ARID5B: variants seen among roughly 807,000 people sequenced by gnomAD.
ARID5B encodes AT-rich interaction domain 5B.
A neutral mutation model predicts 97.2 loss-of-function variants in ARID5B; 13 were observed. That is an observed-to-expected ratio of 0.13 (90% CI 0.09 to 0.21). The LOEUF (loss-of-function observed/expected upper bound fraction) is 0.21. Ranked by LOEUF, ARID5B falls within the 10% of genes least tolerant of loss-of-function variation. The probability of loss-of-function intolerance (pLI) is 1.00; values close to 1 mark genes in which losing one functional copy is unlikely to be tolerated. For missense variants in ARID5B, 1,210 were observed against 1,465.3 expected (o/e 0.83, Z 2.84); for synonymous variants, 556 against 570.3 (o/e 0.97, Z 0.36).
intron 2 of ARID5B, among the ~76,000 whole-genome samples, chr10:61,929,186 C>T (rs528008264): frequency 3.9e-5 from 6 of 152,304 alleles, no homozygotes; most frequent in Non-Finnish European, 5.9e-5. Context: ...ACTAGTATTT[C>T]GGTGTCACAA....
chr10:61,930,551 T>G (rs1422656959), intron 2 of ARID5B, among the ~76,000 whole-genome samples: 2 of 151,724 alleles, frequency 1.3e-5, no homozygotes, highest in African/African-American at 4.8e-5. Flanking sequence ...AAACTCCGTC[T>G]CTACTAAAAA....
chr10:62,091,865 T>C lies in ARID5B; in HGVS notation c.2402T>C (p.Val801Ala), dbSNP rs144809623. 1,010 of 1,614,072 alleles carry C rather than the reference T, an allele frequency of 6.3e-4. 7 individuals are homozygous for C. In the African/African-American group the frequency reaches 0.011, roughly 18 times the overall value. ...CTTAACCCCCTTGCTGACTCCTACG[T>C]CCTGAAGCAAGAAATTCAGGAGGGC... ...HHLNPLADSY[V>A]LKQEIQEGKD... The change falls in exon 10 of 10, where the codon GTC becomes GCC. Residue 801 changes from valine (V) to alanine (A), a missense_variant. Transcript: ENST00000279873.
At chr10:62,063,992 C>G (rs143672838) in intron 7 of ARID5B, among the ~76,000 whole-genome samples, 1 of 152,254 alleles carries the variant, frequency 6.6e-6, no homozygotes, top group East Asian at 1.9e-4. Flanking sequence ...GGAAATGGGT[C>G]TTGAGTACAT....
In ARID5B at chr10:61,934,811, G is replaced by A. The variant is rs186066806; in HGVS notation, c.277-5372G>A. Among the ~76,000 whole-genome samples the A allele has an allele frequency of 2.3e-4, 35 of 152,096 alleles. No homozygotes were observed. In the South Asian group the frequency reaches 3.1e-3, roughly 14 times the overall value. ...GGGTGGATCATGAGGTCAGGAGTTC[G>A]AGGCCAGCCTGACCAACATGGTGAA... is the stretch of plus-strand genomic sequence containing the variant. On this transcript the variant is annotated intron_variant, in intron 2 of 9. Transcript: ENST00000279873.
rs1554845224 is a variant in ARID5B, at chr10:62,021,068, A to ATC, written c.733+20750_733+20751dup. Reference sequence around the variant, plus strand: ...TATATATATATATATATATATATATATCTCAGAAGATAGAAGACAAAAGTT... The same window carrying ATC: ...TATATATATATATATATATATATATATCTCTCAGAAGATAGAAGACAAAAGTT... On this transcript the variant is annotated intron_variant, in intron 4 of 9. Coordinates refer to ENST00000279873, the MANE Select transcript of ARID5B (RefSeq NM_032199.3). Among the ~76,000 whole-genome samples, 163 of 134,784 alleles carry ATC rather than the reference A, an allele frequency of 1.2e-3. 1 individual carries two copies. Among genetic ancestry groups the ATC allele is most frequent in the Non-Finnish European group, 2.0e-3 (128 of 62,780 alleles). 88.4% of individuals were successfully genotyped at this position (134,784 alleles called of 152,430 possible).
chr10:61,940,049 C>A lies in ARID5B; in HGVS notation c.277-134C>A, dbSNP rs78057018. 409 of 694,800 alleles carry A rather than the reference C, an allele frequency of 5.9e-4. 4 individuals carry two copies. The East Asian group carries it at 0.011, about 18-fold the overall frequency. 43.0% of individuals were successfully genotyped at this position (694,800 alleles called of 1,614,324 possible). A position where few individuals can be genotyped will look rare whatever the true frequency, so the allele number is the denominator to read the frequency against. ...GTGAGTTACTAAAGATTCTGTGTCA[C>A]CAGAATGCACACAGTCTCCTTGCAT... On this transcript the variant is annotated intron_variant, in intron 2 of 9. Coordinates refer to ENST00000279873, the MANE Select transcript of ARID5B (RefSeq NM_032199.3).
rs1164342402 is a variant in ARID5B at position 61,983,867 on chromosome 10, C to CTTTTTTTTTTT, written c.503-16203_503-16193dup. Among the ~76,000 whole-genome samples the CTTTTTTTTTTT allele has an allele frequency of 6.0e-3, 166 of 27,590 alleles. 25 individuals are homozygous for CTTTTTTTTTTT. The highest frequency in any genetic ancestry group is 7.4e-3 in the Non-Finnish European group (118 of 15,950). 18.1% of individuals were successfully genotyped at this position (27,590 alleles called of 152,430 possible). ...TATATTTTTTAAACCCCCTTTTGTT[C>CTTTTTTTTTTT]TTTTTTTTTTTTTTTTTTTTTTTTT... On this transcript the variant is annotated intron_variant, in intron 3 of 9. Coordinates refer to ENST00000279873, the MANE Select transcript of ARID5B (RefSeq NM_032199.3).
intron 2 of ARID5B, among the ~76,000 whole-genome samples, chr10:61,911,748 G>GGCTT (rs1843808313): frequency 6.6e-6 from 1 of 152,178 alleles, no homozygotes; most frequent in African/African-American, 2.4e-5. Context: ...TGGGGCTTGG[G>GGCTT]GGGCAGCGGG....
chr10:62,034,424 C>T (rs1192591021), intron 4 of ARID5B, among the ~76,000 whole-genome samples: 1 of 152,166 alleles, frequency 6.6e-6, no homozygotes, highest in Non-Finnish European at 1.5e-5. Context: ...TAGTTACATC[C>T]CCTCTGTGCT....
intron 3 of ARID5B, among the ~76,000 whole-genome samples, chr10:61,942,141 G>A (rs1208566791): frequency 6.6e-6 from 1 of 152,140 alleles, no homozygotes; most frequent in Non-Finnish European, 1.5e-5. Flanking sequence ...AGTATTTATA[G>A]CAAGGTTTAT....
chr10:62,032,729 TAATA>T (rs1839513237), intron 4 of ARID5B, among the ~76,000 whole-genome samples: 1 of 152,086 alleles, frequency 6.6e-6, no homozygotes, highest in African/African-American at 2.4e-5. Flanking sequence ...AATAAATAAA[TAATA>T]AATAAATATT....
At chr10:61,968,728 A>G (rs527320264) in intron 3 of ARID5B, among the ~76,000 whole-genome samples, 1 of 152,266 alleles carries the variant, frequency 6.6e-6, no homozygotes, top group East Asian at 1.9e-4. Context: ...TGTTCTTCTC[A>G]TATACAGTGT....
At chr10:62,084,166 C>T (rs1004192903) in intron 8 of ARID5B, among the ~76,000 whole-genome samples, 2 of 152,290 alleles carry the variant, frequency 1.3e-5, no homozygotes, top group Non-Finnish European at 2.9e-5. Flanking sequence ...GTATTATTCA[C>T]GCCTCCTTGC....
At chr10:61,979,492 C>T (rs1482226579) in intron 3 of ARID5B, among the ~76,000 whole-genome samples, 1 of 152,274 alleles carries the variant, frequency 6.6e-6, no homozygotes. Context: ...CTAACGTCAT[C>T]ACTCCCAGCC....
chr10:62,019,001 A>G (rs934074169), intron 4 of ARID5B, among the ~76,000 whole-genome samples: 2 of 152,038 alleles, frequency 1.3e-5, no homozygotes, highest in African/African-American at 4.8e-5. Context: ...CCTTTTTTAG[A>G]CCACCATGCA....
chr10:62,006,680 G>A (rs1379416724), intron 4 of ARID5B, among the ~76,000 whole-genome samples: 1 of 152,218 alleles, frequency 6.6e-6, no homozygotes, highest in Non-Finnish European at 1.5e-5. Flanking sequence ...AGTAGAGCAA[G>A]AGAGAAGACC....
At chr10:61,919,370 T>A (rs1843971801) in intron 2 of ARID5B, among the ~76,000 whole-genome samples, 1 of 152,204 alleles carries the variant, frequency 6.6e-6, no homozygotes. Context: ...CACCCCACCG[T>A]CTTCCTCATT....
chr10:62,049,433 G>A, intron 4 of ARID5B: 2 of 1,550,474 alleles, frequency 1.3e-6, no homozygotes, highest in Non-Finnish European at 1.7e-6. Context: ...ACATGCTGTA[G>A]CTTTCATGAG....
chr10:62,057,738 C>G (rs898657138), intron 6 of ARID5B, among the ~76,000 whole-genome samples: 1 of 152,162 alleles, frequency 6.6e-6, no homozygotes, highest in African/African-American at 2.4e-5. Context: ...AAAGGGAAAA[C>G]ACATTTCCTA....
Sources: allele counts gnomAD v4.1 joint callset (sites outside exome capture counted in the v4.1 genomes callset), GRCh38; gene constraint gnomAD v4.1.1; transcripts MANE v1.5; gene names NCBI Gene and HGNC (gene_info 2026-07-23, HGNC 2026-07-21).